The following FANCL variants were observed in gnomAD, a reference collection of about 807,000 sequenced individuals.
The protein encoded by FANCL is FA complementation group L.
In FANCL, 69 loss-of-function variants were observed where a neutral mutation model predicts 59.4. The ratio of observed to expected loss-of-function variants is 1.16; its 90% CI spans 0.96 to 1.42. The LOEUF is 1.42. FANCL is among the 40% of genes most tolerant of loss of function. FANCL has a pLI of 0.00. For synonymous variants in FANCL, 180 were observed against 147.1 expected (o/e 1.22, Z -1.62); for missense variants, 519 against 447.2 (o/e 1.16, Z -1.45).
chr2:58,167,090 T>C (rs905650451), intron 7 of FANCL, among the ~76,000 whole-genome samples: 4 of 152,262 alleles, frequency 2.6e-5, no homozygotes, highest in African/African-American at 7.2e-5. Flanking sequence ...CACGCGCCCA[T>C]AGTCCCAGCT....
chr2:58,161,373 G>C (rs1229236758), intron 12 of FANCL, 149 bp downstream of exon 12: 1 of 667,544 alleles, frequency 1.5e-6, no homozygotes, highest in East Asian at 2.7e-5. Context: ...AAGCACATAA[G>C]CATCTGGAAT....
chr2:58,179,759 C>T (rs533124361), intron 7 of FANCL, among the ~76,000 whole-genome samples: 1 of 152,070 alleles, frequency 6.6e-6, no homozygotes, highest in Non-Finnish European at 1.5e-5. Flanking sequence ...AGCTCCTTCA[C>T]AGCAAAAGAA....
chr2:58,191,543 T>C (rs1259707943), intron 7 of FANCL, among the ~76,000 whole-genome samples: 3 of 151,920 alleles, frequency 2.0e-5, no homozygotes, highest in African/African-American at 7.2e-5. Context: ...CCACGTAGCC[T>C]GGTGAGATTG....
In FANCL at chr2:58,161,613, C is replaced by T; in HGVS notation, c.929G>A (p.Cys310Tyr). 2 of 1,610,778 alleles carry T rather than the reference C, an allele frequency of 1.2e-6. No individual in the cohort carries two copies. Among genetic ancestry groups the T allele is most frequent in the African/African-American group, 2.7e-5 (2 of 74,902 alleles). The change falls in exon 12 of 14, where the codon TGT becomes TAT. Residue 310 changes from cysteine to tyrosine, a missense_variant. Coordinates refer to ENST00000233741, the MANE Select transcript of FANCL (RefSeq NM_018062.4). ...GGTACCGTCAAGTTGATAAGCATAACAAATTCCACAATCCATAGTAAAATC... is the reference window on the plus strand; with the variant it reads ...GGTACCGTCAAGTTGATAAGCATAATAAATTCCACAATCCATAGTAAAATC... ...KSDFTMDCGI[C>Y]YAYQLDGTIP... is the part of the protein sequence containing the mutation.
At chr2:58,173,665 C>T (rs1426645215) in intron 7 of FANCL, among the ~76,000 whole-genome samples, 1 of 152,126 alleles carries the variant, frequency 6.6e-6, no homozygotes, top group Non-Finnish European at 1.5e-5. Context: ...ACAACCGGTA[C>T]CAGCCGCTGC....
chr2:58,237,327 G>A (rs1367509329), intron 1 of FANCL, among the ~76,000 whole-genome samples: 1 of 151,938 alleles, frequency 6.6e-6, no homozygotes, highest in Non-Finnish European at 1.5e-5. Flanking sequence ...AAGATATCTA[G>A]AAAATCCTTA....
intron 7 of FANCL, among the ~76,000 whole-genome samples, chr2:58,174,457 T>C (rs1687051873): frequency 1.3e-5 from 2 of 152,004 alleles, no homozygotes; most frequent in South Asian, 4.2e-4. Flanking sequence ...CACAGTGCAA[T>C]CAAACTAGAA....
chr2:58,172,485 C>A (rs1285476856), intron 7 of FANCL, among the ~76,000 whole-genome samples: 4 of 152,180 alleles, frequency 2.6e-5, no homozygotes, highest in African/African-American at 7.2e-5. Flanking sequence ...GGTACCCAGG[C>A]AAACAGGGTC....
intron 1 of FANCL, among the ~76,000 whole-genome samples, chr2:58,234,377 G>A (rs1294970986): frequency 6.6e-6 from 1 of 151,066 alleles, no homozygotes; most frequent in Non-Finnish European, 1.5e-5. Flanking sequence ...TGAAAGTGAA[G>A]GAATAAATTT....
intron 7 of FANCL, among the ~76,000 whole-genome samples, chr2:58,171,251 A>T (rs1031189233): frequency 6.6e-6 from 1 of 152,226 alleles, no homozygotes; most frequent in Non-Finnish European, 1.5e-5. Flanking sequence ...TAGAAACTGA[A>T]CAACCTTCTC....
intron 3 of FANCL, 52 bp downstream of exon 3, chr2:58,229,762 T>G: frequency 7.6e-7 from 1 of 1,320,146 alleles, no homozygotes. Context: ...AACAATAAAT[T>G]TAGTAATTTC....
rs201977980 is a variant in FANCL at position 58,198,414 on chromosome 2, GTA to G, written c.540+178_540+179del. 5.8e-3 allele frequency among the ~76,000 whole-genome samples: 888 copies of G among 152,208 alleles called. 12 individuals carry two copies. Among genetic ancestry groups the G allele is most frequent in the African/African-American group, 0.02 (838 of 41,528 alleles). On this transcript the variant is annotated intron_variant, in intron 7 of 13. Coordinates refer to ENST00000233741, the MANE Select transcript of FANCL (RefSeq NM_018062.4). ...TATTATAATCTAGAGATAACTTAAA[GTA>G]TACAGAAGAGTGTGCACAGGCTATA...
intron 7 of FANCL, among the ~76,000 whole-genome samples, chr2:58,181,936 ATCT>A (rs1327715436): frequency 6.6e-6 from 1 of 151,686 alleles, no homozygotes; most frequent in Non-Finnish European, 1.5e-5. Flanking sequence ...TTTAAAATAA[ATCT>A]TCAAATCTAT....
chr2:58,204,568 C>T (rs1394739402), intron 5 of FANCL, among the ~76,000 whole-genome samples: 2 of 152,050 alleles, frequency 1.3e-5, no homozygotes, highest in South Asian at 4.1e-4. Context: ...CATTAAACTT[C>T]CTGTCAAACT....
intron 3 of FANCL, among the ~76,000 whole-genome samples, chr2:58,228,008 C>A (rs1449709053): frequency 6.6e-6 from 1 of 151,902 alleles, no homozygotes; most frequent in Non-Finnish European, 1.5e-5. Flanking sequence ...TCAGGCAACT[C>A]TATGTAATTT....
chr2:58,168,494 T>C (rs1368472078), intron 7 of FANCL, among the ~76,000 whole-genome samples: 1 of 152,006 alleles, frequency 6.6e-6, no homozygotes, highest in Non-Finnish European at 1.5e-5. Context: ...ACCAGGGCCC[T>C]GGGTTTCAAG....
intron 7 of FANCL, among the ~76,000 whole-genome samples, chr2:58,173,742 A>C (rs1447684343): frequency 2.6e-5 from 4 of 152,158 alleles, no homozygotes; most frequent in Admixed American, 6.5e-5. Context: ...CAAGCAAAAT[A>C]ACCAGCTAAC....
At chr2:58,164,329 C>T (rs1011886343) in intron 8 of FANCL, among the ~76,000 whole-genome samples, 5 of 151,898 alleles carry the variant, frequency 3.3e-5, no homozygotes, top group African/African-American at 1.2e-4. Context: ...AACATAAATG[C>T]AGTTATTGCA....
At chr2:58,162,107 TAAAG>T (rs1250476430) in intron 11 of FANCL, among the ~76,000 whole-genome samples, 1 of 151,898 alleles carries the variant, frequency 6.6e-6, no homozygotes, top group Admixed American at 6.6e-5. Context: ...TGATAGTATT[TAAAG>T]AAAGGAATTG....
Sources: allele counts gnomAD v4.1 joint callset (sites outside exome capture counted in the v4.1 genomes callset), GRCh38; gene constraint gnomAD v4.1.1; transcripts MANE v1.5; gene names NCBI Gene and HGNC (gene_info 2026-07-23, HGNC 2026-07-21).